The following VSIG4 variants were observed in gnomAD, a reference collection of about 807,000 sequenced individuals.
VSIG4 encodes the protein V-set and immunoglobulin domain-containing protein 4.
Under a neutral mutation model 23.4 loss-of-function variants are expected in VSIG4, and 34 were observed. The ratio of observed to expected loss-of-function variants is 1.45; its 90% CI spans 1.10 to 1.93. The LOEUF is 1.93. Among genes scored for constraint, VSIG4 ranks in the 30% most tolerant of loss-of-function variants. The probability of loss-of-function intolerance (pLI) is 0.00; values close to 1 mark genes in which losing one functional copy is unlikely to be tolerated. For synonymous variants in VSIG4, 169 were observed against 120.3 expected (o/e 1.41, Z -2.65); for missense variants, 433 against 310.8 (o/e 1.39, Z -2.96).
chrX:66,038,340 G>T (rs957637714), intron 1 of VSIG4, among the ~76,000 whole-genome samples: 7 of 110,031 alleles, frequency 6.4e-5, no homozygotes. Flanking sequence ...GGAGAGGGAA[G>T]GTATTATTTG....
chrX:66,032,860 C>A (rs1282502488), intron 2 of VSIG4, 111 bp from the exon 3 acceptor site: 47 of 794,618 alleles, frequency 5.9e-5, no homozygotes, highest in Non-Finnish European at 7.5e-5. Context: ...GCAACTGGAA[C>A]TAAAGGGGGC....
At chrX:66,026,470 A>G (rs755708484) in intron 5 of VSIG4, among the ~76,000 whole-genome samples, 2 of 111,914 alleles carry the variant, frequency 1.8e-5, no homozygotes, top group Admixed American at 9.4e-5. Flanking sequence ...CCAACTCCCT[A>G]TGAGGCAATT....
chrX:66,033,212 A>G (rs2085485957), intron 2 of VSIG4, among the ~76,000 whole-genome samples: 1 of 111,031 alleles, frequency 9.0e-6, no homozygotes, highest in African/African-American at 3.3e-5. Flanking sequence ...GAGGGTAACT[A>G]GTCCATGGAT....
intron 3 of VSIG4, among the ~76,000 whole-genome samples, chrX:66,029,404 A>G (rs2085438847): frequency 9.0e-6 from 1 of 111,290 alleles, no homozygotes; most frequent in South Asian, 3.8e-4. Flanking sequence ...TACAGTATTC[A>G]TCTAGTGTCT....
intron 1 of VSIG4, among the ~76,000 whole-genome samples, chrX:66,038,738 T>A (rs1280868508): frequency 9.0e-6 from 1 of 111,015 alleles, no homozygotes; most frequent in African/African-American, 3.3e-5. Context: ...TGGGGGCAAA[T>A]TATTTTTTCT....
Position 66,032,607 on chromosome X carries a change from C to G in VSIG4, c.555G>C (p.Gln185His). Residue 185 changes from glutamine to histidine, a missense_variant, in exon 3 of 8, where the codon CAG (glutamine) becomes CAC (histidine). Gln to His is a conservative substitution (Grantham distance 24). Coordinates refer to ENST00000374737, the MANE Select transcript of VSIG4 (RefSeq NM_007268.3). ...YIWYKQQTNNQEPIKVATLST... is the reference protein window; with the variant it reads ...YIWYKQQTNNHEPIKVATLST... ...TTAGGGTTGCTACTTTGATGGGTTC[C>G]TGGTTATTAGTCTGTTGCTTATACC... is the stretch of plus-strand genomic sequence containing the variant. 1.7e-6 allele frequency: 2 copies of G among 1,211,601 alleles called. No individual in the cohort carries two copies. Among genetic ancestry groups the G allele is most frequent in the Non-Finnish European group, 2.2e-6 (2 of 895,477 alleles).
chrX:66,036,066 C>A (rs770540516), intron 1 of VSIG4, among the ~76,000 whole-genome samples: 2 of 111,604 alleles, frequency 1.8e-5, no homozygotes, highest in African/African-American at 6.5e-5. Flanking sequence ...CTCCTCCATC[C>A]CAGAATGAAT....
chrX:66,033,765 A>G lies in VSIG4; in HGVS notation c.121T>C (p.Cys41Arg). 8.3e-7 allele frequency: 1 copy of G among 1,211,563 alleles called. No homozygotes were observed. The highest frequency in any genetic ancestry group is 1.1e-6 in the Non-Finnish European group (1 of 895,401). ...GPWKGDVNLP[C>R]TYDPLQGYTQ... ...TAGCCTTGCAGGGGGTCATAGGTGC[A>G]GGGAAGATTCACATCCCCTTTCCAA... is the stretch of plus-strand genomic sequence containing the variant. Residue 41 changes from cysteine to arginine, a missense_variant, in exon 2 of 8, where the codon TGC (cysteine) becomes CGC (arginine). Cys to Arg is a radical substitution (Grantham distance 180). Transcript: ENST00000374737.
At chrX:66,024,453 C>T (rs1199139607) in intron 6 of VSIG4, among the ~76,000 whole-genome samples, 1 of 112,021 alleles carries the variant, frequency 8.9e-6, no homozygotes, top group Non-Finnish European at 1.9e-5. Context: ...TGACCCCACT[C>T]TCAGTTGTCT....
At chrX:66,035,730 A>C (rs978710253) in intron 1 of VSIG4, among the ~76,000 whole-genome samples, 1 of 112,072 alleles carries the variant, frequency 8.9e-6, no homozygotes, top group African/African-American at 3.2e-5. Context: ...CATGAAAACT[A>C]TCTGAGCCTC....
At chrX:66,024,100 T>C (rs746368720) in intron 6 of VSIG4, among the ~76,000 whole-genome samples, 9 of 112,536 alleles carry the variant, frequency 8.0e-5, no homozygotes, top group Middle Eastern at 4.6e-3. Flanking sequence ...CCAGGCTATT[T>C]GGGAGTAAGA....
At chrX:66,038,370 C>G (rs1363809552) in intron 1 of VSIG4, among the ~76,000 whole-genome samples, 1 of 109,870 alleles carries the variant, frequency 9.1e-6, no homozygotes, top group Non-Finnish European at 1.9e-5. Context: ...ATAACCTGAG[C>G]CTGAGGTCTA....
intron 3 of VSIG4, among the ~76,000 whole-genome samples, chrX:66,031,489 C>T (rs1334190969): frequency 9.1e-6 from 1 of 110,250 alleles, no homozygotes; most frequent in Admixed American, 9.6e-5. Flanking sequence ...AAACCAACAT[C>T]AGTCTCCTAG....
intron 3 of VSIG4, among the ~76,000 whole-genome samples, chrX:66,029,033 G>A (rs1239031505): frequency 8.9e-6 from 1 of 111,850 alleles, no homozygotes; most frequent in East Asian, 2.8e-4. Context: ...TGGGAAACTA[G>A]GAGGCCACAC....
chrX:66,036,481 G>A (rs909804589), intron 1 of VSIG4, among the ~76,000 whole-genome samples: 1 of 102,107 alleles, frequency 9.8e-6, no homozygotes, highest in Non-Finnish European at 2.0e-5. Context: ...TGATCTAAGC[G>A]CAAGGTCTGC....
At chrX:66,036,751 TATA>T (rs1477835549) in intron 1 of VSIG4, among the ~76,000 whole-genome samples, 1 of 43,006 alleles carries the variant, frequency 2.3e-5, no homozygotes, top group Non-Finnish European at 3.7e-5. Flanking sequence ...ATTAATAATA[TATA>T]ATATAATATA....
At chrX:66,038,012 C>T (rs182671890) in intron 1 of VSIG4, among the ~76,000 whole-genome samples, 2 of 110,493 alleles carry the variant, frequency 1.8e-5, no homozygotes, top group South Asian at 3.8e-4. Context: ...CTATCCCATT[C>T]CCCCACATGA....
chrX:66,037,546 T>C (rs1304718794), intron 1 of VSIG4, among the ~76,000 whole-genome samples: 20 of 67,925 alleles, frequency 2.9e-4, no homozygotes, highest in Non-Finnish European at 5.0e-4. Flanking sequence ...TAATATATTA[T>C]ATTATATTAT....
chrX:66,027,281 T>C (rs2085402564), intron 5 of VSIG4, among the ~76,000 whole-genome samples, 168 bp downstream of exon 5: 1 of 112,172 alleles, frequency 8.9e-6, no homozygotes, highest in Admixed American at 9.4e-5. Context: ...TCTCTCTCTC[T>C]ACATCCTACC....
Sources: allele counts gnomAD v4.1 joint callset (sites outside exome capture counted in the v4.1 genomes callset), GRCh38; gene constraint gnomAD v4.1.1; transcripts MANE v1.5; gene names NCBI Gene and HGNC (gene_info 2026-07-23, HGNC 2026-07-21).